FCHSD2: variants seen among roughly 807,000 people sequenced by gnomAD.
The protein encoded by FCHSD2 is F-BAR and double SH3 domains protein 2.
Under a neutral mutation model 108.1 loss-of-function variants are expected in FCHSD2, and 38 were observed. The ratio of observed to expected loss-of-function variants is 0.35; its 90% CI spans 0.27 to 0.46. FCHSD2 has a LOEUF of 0.46. Among genes scored for constraint, FCHSD2 ranks in the 20% least tolerant of loss-of-function variants. FCHSD2 has a pLI of 1.00. For synonymous variants in FCHSD2, 279 were observed against 314.7 expected (o/e 0.89, Z 1.20); for missense variants, 751 against 897.8 (o/e 0.84, Z 2.09).
chr11:72,842,563 CT>C, intron 17 of FCHSD2, 57 bp downstream of exon 17: 1 of 1,605,596 alleles, frequency 6.2e-7, no homozygotes, highest in Non-Finnish European at 8.5e-7. Context: ...TCCACAGACC[CT>C]TTGGGAGCAA....
At chr11:73,136,186 A>G (rs933371247) in intron 2 of FCHSD2, among the ~76,000 whole-genome samples, 3 of 150,798 alleles carry the variant, frequency 2.0e-5, no homozygotes, top group Admixed American at 6.6e-5. Context: ...AAAGAAAGAA[A>G]AAAGAAGGGA....
intron 8 of FCHSD2, chr11:72,940,614 TC>T: frequency 2.1e-6 from 3 of 1,443,988 alleles, no homozygotes; most frequent in Admixed American, 1.7e-5. Flanking sequence ...TCCACAGGGC[TC>T]CCCGCCCCAC....
intron 2 of FCHSD2, among the ~76,000 whole-genome samples, chr11:73,084,581 T>C (rs1475056878): frequency 6.6e-6 from 1 of 152,140 alleles, no homozygotes; most frequent in Non-Finnish European, 1.5e-5. Context: ...CTTGTAGAGA[T>C]GGAGTCTTGA....
chr11:73,109,766 G>A (rs936669398), intron 2 of FCHSD2, among the ~76,000 whole-genome samples: 2 of 152,138 alleles, frequency 1.3e-5, no homozygotes, highest in African/African-American at 4.8e-5. Flanking sequence ...GGGCATCCTT[G>A]CCATGTTCCA....
intron 3 of FCHSD2, among the ~76,000 whole-genome samples, chr11:73,021,258 A>G (rs918931468): frequency 6.6e-6 from 1 of 152,010 alleles, no homozygotes; most frequent in Non-Finnish European, 1.5e-5. Context: ...ACAGGCACAC[A>G]TACGTTCACT....
At chr11:72,924,666 C>T (rs906271191) in intron 8 of FCHSD2, among the ~76,000 whole-genome samples, 26 of 151,032 alleles carry the variant, frequency 1.7e-4, no homozygotes, top group Admixed American at 1.1e-3. Flanking sequence ...TTATGTTTGG[C>T]TGTTCCATTA....
chr11:72,984,102 C>A lies in FCHSD2; in HGVS notation c.691G>T (p.Val231Phe). 1 of 1,612,704 alleles carries A rather than the reference C, an allele frequency of 6.2e-7. No individual in the cohort carries two copies. The highest frequency in any genetic ancestry group is 8.5e-7 in the Non-Finnish European group (1 of 1,179,050). Residue 231 changes from valine to phenylalanine, a missense_variant, in exon 8 of 20, where the codon GTT (valine) becomes TTT (phenylalanine). Transcript: ENST00000409418. ...AGCTGTATTACCTTCATAATGTTAA[C>A]TAAATCTGTTTGATAGTAGCGATCC... Reference protein sequence around the residue: ...HQDRYYQTDLVNIMKALDGNV... With the variant: ...HQDRYYQTDLFNIMKALDGNV...
At chr11:73,069,865 C>T (rs1224122597) in intron 3 of FCHSD2, among the ~76,000 whole-genome samples, 1 of 152,126 alleles carries the variant, frequency 6.6e-6, no homozygotes, top group Non-Finnish European at 1.5e-5. Flanking sequence ...ACATTGGTCT[C>T]ATTCCACAAA....
chr11:73,015,937 G>C (rs1258515593), intron 3 of FCHSD2, 52 bp from the exon 4 acceptor site: 6 of 991,524 alleles, frequency 6.1e-6, no homozygotes, highest in Non-Finnish European at 9.1e-6. Flanking sequence ...CATAAAGGAA[G>C]CTCTTTTCCT....
At chr11:72,861,936 A>G (rs77796017) in intron 13 of FCHSD2, among the ~76,000 whole-genome samples, 5 of 151,514 alleles carry the variant, frequency 3.3e-5, no homozygotes, top group Admixed American at 6.6e-5. Flanking sequence ...CGTCTCAAAA[A>G]AAAAAAAAAA....
chr11:72,931,914 T>C (rs114865273), intron 8 of FCHSD2, among the ~76,000 whole-genome samples: 182 of 152,346 alleles, frequency 1.2e-3, no homozygotes, highest in African/African-American at 4.0e-3. Context: ...CATTGTTTCA[T>C]TGTTGTTGTT....
rs80356403 is a variant in FCHSD2, at chr11:73,003,031, GA to G, written c.243-1898del. Among the ~76,000 whole-genome samples, 38 of 152,246 alleles carry G rather than the reference GA, an allele frequency of 2.5e-4. No individual in the cohort carries two copies. The East Asian group carries it at 7.1e-3, about 29-fold the overall frequency. On this transcript the variant is annotated intron_variant, in intron 4 of 19. Transcript: ENST00000409418. The stretch of plus-strand genomic sequence containing the variant: ...ATGAATGGATGAATGTATTAACTAT[GA>G]AGACTGTACAATAAAAAGACAAATC...
At chr11:72,978,810 A>G (rs1272960385) in intron 8 of FCHSD2, among the ~76,000 whole-genome samples, 4 of 151,088 alleles carry the variant, frequency 2.6e-5, no homozygotes, top group Non-Finnish European at 5.9e-5. Flanking sequence ...TGAGTCAATT[A>G]ACCCTTTCTT....
At chr11:72,843,060 T>C in intron 16 of FCHSD2, 91 bp downstream of exon 16, 1 of 1,268,272 alleles carries the variant, frequency 7.9e-7, no homozygotes, top group Non-Finnish European at 1.1e-6. Context: ...GGAGGAAAGT[T>C]GTGCTTTTTA....
intron 6 of FCHSD2, among the ~76,000 whole-genome samples, chr11:72,985,720 C>A (rs1298433131): frequency 6.6e-6 from 1 of 152,044 alleles, no homozygotes; most frequent in Non-Finnish European, 1.5e-5. Flanking sequence ...TAATCTTCTC[C>A]CACTCTTGGG....
chr11:73,036,324 CA>C (rs529966875), intron 3 of FCHSD2, among the ~76,000 whole-genome samples: 75 of 128,620 alleles, frequency 5.8e-4, no homozygotes, highest in East Asian at 2.0e-3. Context: ...AAATAAAAGA[CA>C]AAAAAAAAAA....
intron 9 of FCHSD2, among the ~76,000 whole-genome samples, chr11:72,903,595 T>C (rs957448646): frequency 2.6e-5 from 4 of 151,954 alleles, no homozygotes; most frequent in Non-Finnish European, 5.9e-5. Context: ...TGAAAAGAAT[T>C]CATTGCATTT....
chr11:73,043,109 G>A (rs756395535), intron 3 of FCHSD2, among the ~76,000 whole-genome samples: 34 of 152,186 alleles, frequency 2.2e-4, no homozygotes, highest in Non-Finnish European at 8.8e-5. Flanking sequence ...AGTGGTGAAA[G>A]TGGGCATCCT....
rs11826537 is a variant in FCHSD2, at chr11:73,118,262, T to C, written c.119+21769A>G. ...TGGACTCAGCAGGCAGAGACTGCGG[T>C]GAGCCGAGACTGTGCCACTGCACTC... On this transcript the variant is annotated intron_variant, in intron 2 of 19. Transcript: ENST00000409418. Among the ~76,000 whole-genome samples the C allele has an allele frequency of 7.9e-3, 1,210 of 152,262 alleles. 13 individuals carry two copies. Among genetic ancestry groups the C allele is most frequent in the African/African-American group, 0.028 (1,149 of 41,568 alleles).
Sources: gnomAD v4.1 joint callset for allele counts (sites outside exome capture counted in the v4.1 genomes callset) on GRCh38, gnomAD v4.1.1 for gene constraint, MANE v1.5 for transcripts, NCBI Gene and HGNC (gene_info 2026-07-23, HGNC 2026-07-21) for gene names.